UBE3D: variants seen among roughly 807,000 people sequenced by gnomAD.
UBE3D encodes the protein ubiquitin protein ligase E3D.
UBE3D carries 48 observed loss-of-function variants against 49.6 expected under a neutral mutation model. The observed-to-expected ratio is 0.97, with a 90% CI of 0.77 to 1.23. The LOEUF (loss-of-function observed/expected upper bound fraction) is 1.23, where lower values mean the gene tolerates loss of function less well. UBE3D is among the 50% of genes most tolerant of loss of function. UBE3D has a pLI of 0.00. For synonymous variants in UBE3D, 189 were observed against 174.2 expected (o/e 1.08, Z -0.67); for missense variants, 452 against 468.4 (o/e 0.96, Z 0.32).
chr6:82,895,447 G>A (rs1013045258), intron 9 of UBE3D, among the ~76,000 whole-genome samples: 4 of 152,128 alleles, frequency 2.6e-5, no homozygotes, highest in Non-Finnish European at 5.9e-5. Flanking sequence ...AACTGGGAGG[G>A]GGTGCTACTG....
rs769083727 is a variant in UBE3D, at chr6:82,930,074, G to T, written c.1149+27238C>A. On this transcript the variant is annotated intron_variant, in intron 9 of 9. Transcript: ENST00000369747. ...CAGTGGGAAGTAACTGTATAATGGG[G>T]GTGGTGACCCTCATGCTGTTCTTGT... 1.2e-3 allele frequency among the ~76,000 whole-genome samples: 178 copies of T among 152,102 alleles called. 4 individuals are homozygous for T. The highest frequency in any genetic ancestry group is 5.6e-4 in the Non-Finnish European group (38 of 68,020).
At chr6:82,909,539 G>T (rs960394260) in intron 9 of UBE3D, among the ~76,000 whole-genome samples, 5 of 152,108 alleles carry the variant, frequency 3.3e-5, no homozygotes, top group Non-Finnish European at 5.9e-5. Context: ...CCACAGCTAA[G>T]AATTTTTTTC....
intron 8 of UBE3D, among the ~76,000 whole-genome samples, chr6:82,959,914 G>T (rs575779094): frequency 6.6e-6 from 1 of 152,048 alleles, no homozygotes; most frequent in Non-Finnish European, 1.5e-5. Flanking sequence ...GCTCCAGGAA[G>T]TCTTCATCTA....
At chr6:82,906,376 A>G (rs1191765479) in intron 9 of UBE3D, among the ~76,000 whole-genome samples, 1 of 152,144 alleles carries the variant, frequency 6.6e-6, no homozygotes, top group Non-Finnish European at 1.5e-5. Context: ...TTTGAAATAT[A>G]TTTGATATGC....
In UBE3D at chr6:82,895,296, C is replaced by T. The variant is rs144641310; in HGVS notation, c.1150-2254G>A. ...ACTGCACTCCAGTCTGGCTGACAGA[C>T]GGAGAGTCTGTCTCAAAAAGAAGAA... On this transcript the variant is annotated intron_variant, in intron 9 of 9. Transcript: ENST00000369747. 2.4e-3 allele frequency among the ~76,000 whole-genome samples: 361 copies of T among 152,100 alleles called. 1 individual carries two copies. The highest frequency in any genetic ancestry group is 8.2e-3 in the African/African-American group (339 of 41,470).
chr6:83,018,953 A>T lies in UBE3D; in HGVS notation c.1010+20T>A. ...AAGCTAAAACATAATGTGGAAAGAG[A>T]AAACAAATGCACAACTTACTTTTCA... On this transcript the variant is annotated intron_variant, in intron 8 of 9. Coordinates refer to ENST00000369747, the MANE Select transcript of UBE3D (RefSeq NM_198920.3). 6.2e-7 allele frequency: 1 copy of T among 1,610,512 alleles called. No homozygotes were observed. Among genetic ancestry groups the T allele is most frequent in the Non-Finnish European group, 8.5e-7 (1 of 1,179,076 alleles).
In UBE3D at chr6:83,034,886, A is replaced by C. The variant is rs180822418; in HGVS notation, c.667+3530T>G. Among the ~76,000 whole-genome samples, 216 of 152,274 alleles carry C rather than the reference A, an allele frequency of 1.4e-3. 1 individual carries two copies. The highest frequency in any genetic ancestry group is 3.4e-3 in the Middle Eastern group (1 of 294). On this transcript the variant is annotated intron_variant, in intron 5 of 9. Transcript: ENST00000369747. Reference sequence around the variant, plus strand: ...ATCAATTCCACTTTATAACTAAAAAAAAAGAAAAAAAATCAGCCAGGTATG... The same window carrying C: ...ATCAATTCCACTTTATAACTAAAAACAAAGAAAAAAAATCAGCCAGGTATG...
chr6:82,983,228 C>T (rs1778233770), intron 8 of UBE3D, among the ~76,000 whole-genome samples: 1 of 150,218 alleles, frequency 6.7e-6, no homozygotes, highest in African/African-American at 2.5e-5. Flanking sequence ...TTGTTTTGTC[C>T]TTATTGTTAT....
At chr6:82,909,397 T>TA (rs1160837292) in intron 9 of UBE3D, among the ~76,000 whole-genome samples, 26 of 152,184 alleles carry the variant, frequency 1.7e-4, no homozygotes, top group Non-Finnish European at 1.0e-4. Flanking sequence ...CCCTAACACT[T>TA]ACAATGGTAC....
At chr6:83,052,957 G>T (rs760328107) in intron 3 of UBE3D, among the ~76,000 whole-genome samples, 5 of 152,204 alleles carry the variant, frequency 3.3e-5, no homozygotes, top group Non-Finnish European at 5.9e-5. Context: ...TGGGATGGAG[G>T]AAAGTGGACT....
chr6:82,989,643 G>T (rs1299431383), intron 8 of UBE3D, among the ~76,000 whole-genome samples: 1 of 152,082 alleles, frequency 6.6e-6, no homozygotes, highest in Non-Finnish European at 1.5e-5. Context: ...GCAGGGCGAG[G>T]TCCCGGATTT....
chr6:82,948,746 A>C (rs995084546), intron 9 of UBE3D, among the ~76,000 whole-genome samples: 1 of 152,114 alleles, frequency 6.6e-6, no homozygotes, highest in African/African-American at 2.4e-5. Flanking sequence ...TCATATCAAC[A>C]GAATGAAGGC....
intron 3 of UBE3D, among the ~76,000 whole-genome samples, chr6:83,048,794 T>C (rs1475849146): frequency 1.3e-5 from 2 of 152,212 alleles, no homozygotes; most frequent in Non-Finnish European, 2.9e-5. Flanking sequence ...ATTTTAATCA[T>C]TGCTTTACTG....
intron 9 of UBE3D, among the ~76,000 whole-genome samples, chr6:82,947,736 C>T (rs927349809): frequency 8.6e-5 from 13 of 151,982 alleles, no homozygotes; most frequent in Non-Finnish European, 1.9e-4. Flanking sequence ...TATACGAATA[C>T]ATGGAAATTA....
At chr6:82,891,269 A>G (rs1404728906), downstream of UBE3D, among the ~76,000 whole-genome samples, 1 of 152,168 alleles carries the variant, frequency 6.6e-6, no homozygotes, top group African/African-American at 2.4e-5. Context: ...GGAGTGGAGG[A>G]GGGGGCTGTG....
downstream of UBE3D, among the ~76,000 whole-genome samples, chr6:82,890,396 A>G (rs956249977): frequency 6.6e-6 from 1 of 152,166 alleles, no homozygotes; most frequent in Non-Finnish European, 1.5e-5. Flanking sequence ...CTAGATGTAA[A>G]TAACTCACTT....
At chr6:82,905,022 A>G (rs1212076329) in intron 9 of UBE3D, among the ~76,000 whole-genome samples, 2 of 152,196 alleles carry the variant, frequency 1.3e-5, no homozygotes, top group Non-Finnish European at 2.9e-5. Context: ...TCAAACCAGC[A>G]CATCCTGGAT....
intron 8 of UBE3D, among the ~76,000 whole-genome samples, chr6:82,982,205 G>A (rs952152800): frequency 6.6e-6 from 1 of 151,906 alleles, no homozygotes; most frequent in African/African-American, 2.4e-5. Flanking sequence ...CTCAACCCCT[G>A]GATCTTTTTG....
chr6:82,916,766 C>T (rs904926117), intron 9 of UBE3D, among the ~76,000 whole-genome samples: 2 of 152,210 alleles, frequency 1.3e-5, no homozygotes, highest in Non-Finnish European at 2.9e-5. Flanking sequence ...AGGACAATCT[C>T]ATGCTTTCAG....
Sources: gnomAD v4.1 joint callset for allele counts (sites outside exome capture counted in the v4.1 genomes callset) on GRCh38, gnomAD v4.1.1 for gene constraint, MANE v1.5 for transcripts, NCBI Gene and HGNC (gene_info 2026-07-23, HGNC 2026-07-21) for gene names.